The following ATXN7 variants were observed in gnomAD, a reference collection of about 807,000 sequenced individuals.
ATXN7 encodes the protein ataxin 7.
ATXN7 carries 12 observed loss-of-function variants against 70.5 expected under a neutral mutation model. The observed-to-expected ratio is 0.17, with a 90% CI of 0.11 to 0.28. The LOEUF is 0.28. Among genes scored for constraint, ATXN7 ranks in the 10% least tolerant of loss-of-function variants. The pLI is 1.00. For missense variants in ATXN7, 1,256 were observed against 1,131.7 expected (o/e 1.11, Z -1.58); for synonymous variants, 498 against 448.7 (o/e 1.11, Z -1.39).
intron 1 of ATXN7, chr3:63,873,958 CCCAAAATGCTAGGATTATAGGCATCAG>C (rs894138037): frequency 1.2e-4 from 18 of 152,188 alleles, no homozygotes; most frequent in Non-Finnish European, 2.2e-4. Flanking sequence ...ACCTTGGCCT[CCCAAAATGCTAGGATTATAGGCATCAG>C]CCACCACACC....
chr3:63,935,244 A>G (rs1349730754), intron 4 of ATXN7, among the ~76,000 whole-genome samples: 1 of 152,134 alleles, frequency 6.6e-6, no homozygotes, highest in Non-Finnish European at 1.5e-5. Context: ...GCCCTGCAGT[A>G]ACTAAATTAT....
At chr3:63,882,108 G>C (rs981226197) in intron 1 of ATXN7, among the ~76,000 whole-genome samples, 4 of 152,138 alleles carry the variant, frequency 2.6e-5, no homozygotes, top group African/African-American at 9.7e-5. Flanking sequence ...TGTGAGGTGA[G>C]GAATGGATTT....
At chr3:63,870,534 A>G (rs906178639) in intron 1 of ATXN7, among the ~76,000 whole-genome samples, 1 of 152,156 alleles carries the variant, frequency 6.6e-6, no homozygotes, top group African/African-American at 2.4e-5. Flanking sequence ...TATTAGTCAT[A>G]TTGTGTGGCC....
upstream of ATXN7, chr3:63,863,771 C>T (rs1702306468): frequency 1.6e-6 from 2 of 1,251,820 alleles, no homozygotes; most frequent in Admixed American, 4.2e-5. Flanking sequence ...CGGGGCCTCA[C>T]CGTCAGTCAC....
intron 2 of ATXN7, among the ~76,000 whole-genome samples, chr3:63,907,909 A>T (rs1207928719): frequency 6.6e-6 from 1 of 152,112 alleles, no homozygotes; most frequent in African/African-American, 2.4e-5. Context: ...ATTATAATTT[A>T]TTATTACCTT....
chr3:63,922,355 CT>C (rs1704545601), intron 4 of ATXN7, among the ~76,000 whole-genome samples: 2 of 152,160 alleles, frequency 1.3e-5, no homozygotes, highest in Admixed American at 6.5e-5. Context: ...AGTTTCATGC[CT>C]TCTTGGACTC....
chr3:63,957,128 T>C (rs1372903433), intron 5 of ATXN7, among the ~76,000 whole-genome samples: 4 of 152,198 alleles, frequency 2.6e-5, no homozygotes, highest in Non-Finnish European at 5.9e-5. Flanking sequence ...GAATTCCTAT[T>C]TTGTGCTCTG....
intron 5 of ATXN7, among the ~76,000 whole-genome samples, 161 bp downstream of exon 5, chr3:63,952,644 G>A (rs1003839169): frequency 6.6e-6 from 1 of 151,972 alleles, no homozygotes; most frequent in East Asian, 1.9e-4. Flanking sequence ...CAGATGTTGG[G>A]TATTTTTAAA....
chr3:63,964,984 C>T (rs184798757), intron 5 of ATXN7, among the ~76,000 whole-genome samples: 1 of 152,262 alleles, frequency 6.6e-6, no homozygotes, highest in East Asian at 1.9e-4. Context: ...AACTGGCTTT[C>T]ACCAATGATA....
At chr3:63,985,505 TG>T (rs1278834633) in intron 8 of ATXN7, among the ~76,000 whole-genome samples, 8 of 152,236 alleles carry the variant, frequency 5.3e-5, no homozygotes. Context: ...GCCTTCACGT[TG>T]GTCTGAATCT....
chr3:63,980,204 C>G (rs1381604103), intron 6 of ATXN7, 37 bp downstream of exon 6: 1 of 1,611,938 alleles, frequency 6.2e-7, no homozygotes, highest in African/African-American at 1.3e-5. Flanking sequence ...AGCTTACCTG[C>G]TGGAAATGAA....
intron 5 of ATXN7, chr3:63,968,109 C>A (rs575393238): frequency 7.2e-6 from 5 of 698,522 alleles, no homozygotes; most frequent in African/African-American, 7.1e-5. Context: ...TTTATGCAGG[C>A]CTTTTTCCTC....
chr3:63,975,735 A>G (rs2106738699), intron 5 of ATXN7, among the ~76,000 whole-genome samples: 1 of 152,218 alleles, frequency 6.6e-6, no homozygotes, highest in South Asian at 2.1e-4. Flanking sequence ...ATTTTGGAAG[A>G]CCTATAGAGA....
intron 6 of ATXN7, among the ~76,000 whole-genome samples, chr3:63,981,795 G>A (rs536821740): frequency 3.3e-5 from 5 of 152,130 alleles, no homozygotes; most frequent in Non-Finnish European, 5.9e-5. Context: ...GAATCCTTTC[G>A]TACAAATGGC....
At chr3:63,939,433 C>G (rs2074718182) in intron 4 of ATXN7, among the ~76,000 whole-genome samples, 1 of 152,172 alleles carries the variant, frequency 6.6e-6, no homozygotes, top group Non-Finnish European at 1.5e-5. Flanking sequence ...CTCCCTTCCC[C>G]ATACTATAGT....
intron 12 of ATXN7, chr3:63,998,207 G>C (rs201444038): frequency 3.2e-6 from 3 of 946,810 alleles, no homozygotes; most frequent in Admixed American, 1.5e-4. Flanking sequence ...AGAAGGGGGG[G>C]GGGCCAGGTG....
intron 12 of ATXN7, 139 bp from the exon 13 acceptor site, chr3:63,999,303 ATAGCTGAC>A: frequency 1.5e-6 from 1 of 662,316 alleles, no homozygotes; most frequent in Non-Finnish European, 2.7e-6. Flanking sequence ...AACAAAATCT[ATAGCTGAC>A]TGTTCCTGGT....
chr3:63,992,714 C>T (rs765081106), intron 11 of ATXN7, among the ~76,000 whole-genome samples: 33 of 152,254 alleles, frequency 2.2e-4, no homozygotes, highest in East Asian at 1.4e-3. Context: ...TACTTGCTTC[C>T]GGGGAGAAGG....
At chr3:63,895,064 C>T (rs889587231) in intron 1 of ATXN7, among the ~76,000 whole-genome samples, 3 of 152,072 alleles carry the variant, frequency 2.0e-5, no homozygotes, top group African/African-American at 7.2e-5. Flanking sequence ...CCTGTTATGC[C>T]CTCTCCAAGA....
Sources: allele counts gnomAD v4.1 joint callset (sites outside exome capture counted in the v4.1 genomes callset), GRCh38; gene constraint gnomAD v4.1.1; transcripts MANE v1.5; gene names NCBI Gene and HGNC (gene_info 2026-07-23, HGNC 2026-07-21).